INTS7: variants seen among roughly 807,000 people sequenced by gnomAD.
INTS7 encodes integrator complex subunit 7, also known as chromosome 1 open reading frame 73.
INTS7 carries 46 observed loss-of-function variants against 109.2 expected under a neutral mutation model. The ratio of observed to expected loss-of-function variants is 0.42; its 90% CI spans 0.33 to 0.54. The LOEUF (loss-of-function observed/expected upper bound fraction) is 0.54, where lower values mean the gene tolerates loss of function less well. Ranked by LOEUF, INTS7 falls within the 20% of genes least tolerant of loss-of-function variation. The pLI is 0.07. For synonymous variants in INTS7, 412 were observed against 402.9 expected, an observed-to-expected ratio of 1.02 and a Z score of -0.27; for missense variants, 929 against 1,132.4, an observed-to-expected ratio of 0.82 and a Z score of 2.58.
chr1:211,973,132 G>A (rs1215750924), intron 13 of INTS7, among the ~76,000 whole-genome samples: 1 of 151,974 alleles, frequency 6.6e-6, no homozygotes, highest in South Asian at 2.1e-4. Flanking sequence ...TTTTTGTAGA[G>A]ACGGGGTTTT....
At chr1:211,976,232 C>A (rs1664412520) in intron 12 of INTS7, among the ~76,000 whole-genome samples, 1 of 152,024 alleles carries the variant, frequency 6.6e-6, no homozygotes, top group Non-Finnish European at 1.5e-5. Context: ...AATGACAAGA[C>A]TGGGGAGAGG....
chr1:212,009,522 C>CT (rs1196213809), intron 5 of INTS7, among the ~76,000 whole-genome samples: 2 of 152,152 alleles, frequency 1.3e-5, no homozygotes, highest in Non-Finnish European at 2.9e-5. Context: ...CATCATGCTC[C>CT]TGGAGGTTAG....
intron 3 of INTS7, 60 bp from the exon 4 acceptor site, chr1:212,017,083 T>C (rs930944624): frequency 4.2e-6 from 6 of 1,423,972 alleles, no homozygotes; most frequent in Non-Finnish European, 5.7e-6. Flanking sequence ...GTCAGAAAAG[T>C]AAGAGGCAAG....
chr1:211,981,116 G>T lies in INTS7; in HGVS notation c.1207C>A (p.Pro403Thr), dbSNP rs540765397. ...LLVLCSQDDS[P>T]GAQATLKIAL... ...ACCTTTAAAGTGGCCTGAGCACCTG[G>T]ACTATCATCTTGACTACAAAGTACC... Residue 403 changes from proline to threonine, a missense_variant, in exon 10 of 20, where the codon CCA becomes ACA. Transcript: ENST00000366994. 1 of 1,612,214 alleles carries T rather than the reference G, an allele frequency of 6.2e-7. No homozygotes were observed. The highest frequency in any genetic ancestry group is 8.5e-7 in the Non-Finnish European group (1 of 1,178,508).
At chr1:212,023,154 T>C (rs1026780406) in intron 1 of INTS7, among the ~76,000 whole-genome samples, 1 of 152,230 alleles carries the variant, frequency 6.6e-6, no homozygotes, top group African/African-American at 2.4e-5. Flanking sequence ...AATCCATGAC[T>C]GACAGGCATC....
chr1:211,969,464 A>C (rs1664064402), intron 13 of INTS7, among the ~76,000 whole-genome samples: 1 of 151,512 alleles, frequency 6.6e-6, no homozygotes, highest in African/African-American at 2.4e-5. Context: ...ATGTTTCTAG[A>C]CAGTCACTGT....
chr1:211,989,559 C>A (rs534342864), intron 7 of INTS7, among the ~76,000 whole-genome samples: 2 of 152,134 alleles, frequency 1.3e-5, no homozygotes, highest in South Asian at 4.2e-4. Flanking sequence ...CAGTGGCTCA[C>A]GTCTGTAATC....
intron 16 of INTS7, among the ~76,000 whole-genome samples, chr1:211,964,867 T>G (rs1236424010): frequency 1.3e-5 from 2 of 151,948 alleles, no homozygotes; most frequent in Non-Finnish European, 1.5e-5. Context: ...GATAGAACCC[T>G]GGAAGACAAC....
intron 10 of INTS7, among the ~76,000 whole-genome samples, chr1:211,979,792 G>A (rs1164622197): frequency 6.6e-6 from 1 of 152,052 alleles, no homozygotes; most frequent in African/African-American, 2.4e-5. Context: ...ACTGTAATTC[G>A]ATTCCATCTT....
intron 16 of INTS7, among the ~76,000 whole-genome samples, chr1:211,963,728 C>T (rs542203156): frequency 6.6e-6 from 1 of 151,898 alleles, no homozygotes; most frequent in Non-Finnish European, 1.5e-5. Flanking sequence ...GGAACTAAAG[C>T]CAAAAACCAC....
chr1:211,946,211 A>G lies in INTS7; in HGVS notation c.2415+396T>C, dbSNP rs1270585778. On this transcript the variant is annotated intron_variant, in intron 18 of 19. Transcript: ENST00000366994. This position sits in a 1 kb window ranked among gnomAD's most constrained non-coding sequence, Gnocchi z 4.3. ...TCAAAACCAAAGGTAAGCCAGGCACAGTGGCTCATGCCTGTAATCCCAGCA... is the reference window on the plus strand; with the variant it reads ...TCAAAACCAAAGGTAAGCCAGGCACGGTGGCTCATGCCTGTAATCCCAGCA... 6.6e-6 allele frequency among the ~76,000 whole-genome samples: 1 copy of G among 152,264 alleles called. No individual in the cohort carries two copies. Among genetic ancestry groups the G allele is most frequent in the Non-Finnish European group, 1.5e-5 (1 of 68,046 alleles).
At chr1:212,016,203 T>C (rs1240263552) in intron 4 of INTS7, among the ~76,000 whole-genome samples, 1 of 152,234 alleles carries the variant, frequency 6.6e-6, no homozygotes, top group Non-Finnish European at 1.5e-5. Flanking sequence ...TGCTGTTATC[T>C]TAGGATAAAT....
intron 1 of INTS7, among the ~76,000 whole-genome samples, chr1:212,029,624 C>A (rs919558965): frequency 2.0e-5 from 3 of 152,150 alleles, no homozygotes; most frequent in African/African-American, 7.2e-5. Flanking sequence ...AAAGAGTGTT[C>A]AAAATATATT....
intron 16 of INTS7, among the ~76,000 whole-genome samples, chr1:211,965,398 A>T (rs1663826921): frequency 6.6e-6 from 1 of 152,206 alleles, no homozygotes. Context: ...GTGATTCCTC[A>T]AAAAGCTAAA....
At chr1:212,008,604 C>CA (rs1322974754) in intron 5 of INTS7, among the ~76,000 whole-genome samples, 3 of 152,290 alleles carry the variant, frequency 2.0e-5, no homozygotes, top group Admixed American at 2.0e-4. Context: ...GCCCCGACGT[C>CA]AGACGCATGT....
intron 13 of INTS7, among the ~76,000 whole-genome samples, chr1:211,970,489 T>A (rs1571861810): frequency 1.3e-5 from 2 of 152,198 alleles, no homozygotes; most frequent in East Asian, 3.8e-4. Context: ...GAGCCAGACA[T>A]GATTTTGGGG....
chr1:211,952,248 T>C (rs1663127716), intron 17 of INTS7, among the ~76,000 whole-genome samples: 1 of 152,220 alleles, frequency 6.6e-6, no homozygotes, highest in Admixed American at 6.5e-5. Context: ...CTCAAAGTGA[T>C]TCTAATGTGT....
rs748204851 is a variant in INTS7 at position 211,981,230 on chromosome 1, G to A, written c.1133-40C>T. 14 of 1,318,122 alleles carry A rather than the reference G, an allele frequency of 1.1e-5. No individual in the cohort carries two copies. In the East Asian group the frequency reaches 3.2e-4, roughly 30 times the overall value. 81.7% of individuals were successfully genotyped at this position (1,318,122 alleles called of 1,614,324 possible). A position where few individuals can be genotyped will look rare whatever the true frequency, so the allele number is the denominator to read the frequency against. ...GTAAACTTTATGATGGTCAAGTGAT[G>A]TGTGTACAAACACACACACATATAC... On this transcript the variant is annotated intron_variant, in intron 9 of 19. Transcript: ENST00000366994.
At chr1:212,002,624 C>T (rs1266078517) in intron 7 of INTS7, among the ~76,000 whole-genome samples, 1 of 152,206 alleles carries the variant, frequency 6.6e-6, no homozygotes, top group Non-Finnish European at 1.5e-5. Context: ...TAGGGGCCCA[C>T]AAAATTGACA....
Sources: allele counts gnomAD v4.1 joint callset (sites outside exome capture counted in the v4.1 genomes callset), GRCh38; gene constraint gnomAD v4.1.1; non-coding constraint Gnocchi (gnomAD v3.1); transcripts MANE v1.5; gene names NCBI Gene and HGNC (gene_info 2026-07-23, HGNC 2026-07-21).